RGS11: variants seen among roughly 807,000 people sequenced by gnomAD.
The protein encoded by RGS11 is regulator of G-protein signaling 11.
RGS11 carries 86 observed loss-of-function variants against 71.1 expected under a neutral mutation model. That is an observed-to-expected ratio of 1.21 (90% CI 1.02 to 1.45). The LOEUF (loss-of-function observed/expected upper bound fraction) is 1.45, where lower values mean the gene tolerates loss of function less well. Among genes scored for constraint, RGS11 ranks in the 40% most tolerant of loss-of-function variants. RGS11 has a pLI of 0.00. For missense variants in RGS11, 734 were observed against 635.1 expected (o/e 1.16, Z -1.67); for synonymous variants, 298 against 254.2 (o/e 1.17, Z -1.64).
chr16:274,763 G>A, intron 4 of RGS11: 2 of 731,248 alleles, frequency 2.7e-6, no homozygotes, highest in Admixed American at 4.0e-5. Flanking sequence ...GAAAACTGAG[G>A]CTCCATCCCT....
intron 8 of RGS11, among the ~76,000 whole-genome samples, chr16:273,159 C>T (rs1044158511): frequency 7.9e-5 from 12 of 152,152 alleles, no homozygotes; most frequent in African/African-American, 2.4e-4. Flanking sequence ...ACTCGGTCCC[C>T]CCACTGCAGC....
rs779845934 is a variant in RGS11, at chr16:275,894, C to T, written c.18G>A (p.Ala6=). Residue 6 remains alanine, a synonymous_variant, in exon 1 of 17, where the codon GCG becomes GCA. Coordinates refer to ENST00000397770, the MANE Select transcript of RGS11 (RefSeq NM_183337.3). Reference sequence around the variant, plus strand: ...GCGCCCGGGGGCGGCCGGGGGGCGGCGCGGGGCCGGCGGCCATGGCTGCGG... The same window carrying T: ...GCGCCCGGGGGCGGCCGGGGGGCGGTGCGGGGCCGGCGGCCATGGCTGCGG... MAAGP[A]PPPGRPRAQM... 2.0e-4 allele frequency: 185 copies of T among 906,572 alleles called. 1 individual carries two copies. In the South Asian group the frequency reaches 6.7e-3, roughly 33 times the overall value. The allele number at this position is 906,572 out of a possible 1,614,324, so 56.2% of individuals were successfully genotyped here. A position where few individuals can be genotyped will look rare whatever the true frequency, so the allele number is the denominator to read the frequency against.
chr16:270,937 C>T, intron 13 of RGS11, 47 bp downstream of exon 13: 1 of 1,565,154 alleles, frequency 6.4e-7, no homozygotes, highest in Non-Finnish European at 8.8e-7. Context: ...GGGTCCCAGG[C>T]AGCAGCCTCC....
Position 273,450 on chromosome 16 carries a change from C to T in RGS11, c.588+25G>A, listed in dbSNP as rs548838157. On this transcript the variant is annotated intron_variant, in intron 8 of 16. Coordinates refer to ENST00000397770, the MANE Select transcript of RGS11 (RefSeq NM_183337.3). ...TGACCCCTGCGCTGGCCAGCGACCC[C>T]CACCCTCACCGCAGGTGGGCTCACC... 8.5e-6 allele frequency: 13 copies of T among 1,535,372 alleles called. No homozygotes were observed. The African/African-American group carries it at 1.6e-4, about 19-fold the overall frequency.
At chr16:275,749 G>T (rs1380665107) in intron 1 of RGS11, 100 bp downstream of exon 1, 2 of 298,576 alleles carry the variant, frequency 6.7e-6, no homozygotes, top group Admixed American at 8.2e-5. Flanking sequence ...CCCCAGGCCC[G>T]CCCCGCCCCG....
Position 275,052 on chromosome 16 carries a change from T to C in RGS11, c.242A>G (p.Gln81Arg), listed in dbSNP as rs2141428037. The change falls in exon 4 of 17, where the codon CAG (glutamine) becomes CGG (arginine). Residue 81 changes from glutamine to arginine, a missense_variant. Gln to Arg is a conservative substitution (Grantham distance 43). Coordinates refer to ENST00000397770, the MANE Select transcript of RGS11 (RefSeq NM_183337.3). Reference sequence around the variant, plus strand: ...GCGCAGCGGGTAGATGTAGCCATGCTGCACCAGGACGGCGCCCAGGTGCAG... The same window carrying C: ...GCGCAGCGGGTAGATGTAGCCATGCCGCACCAGGACGGCGCCCAGGTGCAG... ...EALHLGAVLV[Q>R]HGYIYPLRDP... 6.7e-7 allele frequency: 1 copy of C among 1,490,160 alleles called. No homozygotes were observed. Among genetic ancestry groups the C allele is most frequent in the Non-Finnish European group, 8.9e-7 (1 of 1,117,544 alleles). The allele number at this position is 1,490,160 out of a possible 1,614,324, so 92.3% of individuals were successfully genotyped here.
intron 7 of RGS11, 26 bp downstream of exon 7, chr16:273,734 C>T (rs371146219): frequency 4.5e-5 from 71 of 1,590,130 alleles, no homozygotes; most frequent in Admixed American, 2.0e-4. Flanking sequence ...CGCCTGCAGG[C>T]GGGGCGGGGC....
In RGS11 at chr16:269,536, G is replaced by T; in HGVS notation, c.1256C>A (p.Ala419Glu). ...LKSDMYKALLAEAGIPLEMKR... is the reference protein window; with the variant it reads ...LKSDMYKALLEEAGIPLEMKR... The stretch of plus-strand genomic sequence containing the variant: ...CATCTCCAGCGGGATCCCAGCCTCT[G>T]CCAGGAGGGCCTTGTACATGTCAGA... Residue 419 changes from alanine (A) to glutamate (E), a missense_variant, in exon 16 of 17, where the codon GCA becomes GAA. Physicochemically the swap from Ala to Glu is moderately radical, Grantham distance 107. Coordinates refer to ENST00000397770, the MANE Select transcript of RGS11 (RefSeq NM_183337.3). The T allele has an allele frequency of 6.2e-7, 1 of 1,613,404 alleles. No homozygotes were observed. Among genetic ancestry groups the T allele is most frequent in the South Asian group, 1.1e-5 (1 of 91,090 alleles).
chr16:274,262 G>A lies in RGS11; in HGVS notation c.322C>T (p.Pro108Ser). The A allele has an allele frequency of 6.2e-7, 1 of 1,610,320 alleles. No individual in the cohort carries two copies. ...CTCAGGGTACTTGTCCAGAAGTACGGGGTCTGGCGTGGTGCAGGGAGAAGG... is the reference window on the plus strand; with the variant it reads ...CTCAGGGTACTTGTCCAGAAGTACGAGGTCTGGCGTGGTGCAGGGAGAAGG... ...PDETPYRFQT[P>S]YFWTSTLRPA... Residue 108 changes from proline to serine, a missense_variant, in exon 5 of 17, where the codon CCG becomes TCG. Transcript: ENST00000397770.
chr16:270,412 G>C (rs2051875174), intron 15 of RGS11, 111 bp downstream of exon 15: 38 of 1,320,868 alleles, frequency 2.9e-5, no homozygotes, highest in Non-Finnish European at 3.8e-5. Flanking sequence ...TGCTCCCCAG[G>C]GGCAGAGTCA....
chr16:272,812 G>A, intron 9 of RGS11, 51 bp downstream of exon 9: 1 of 1,537,304 alleles, frequency 6.5e-7, no homozygotes, highest in Non-Finnish European at 8.7e-7. Flanking sequence ...CCAGCAGGGT[G>A]CAGCCGGTGT....
Position 269,363 on chromosome 16 carries a change from C to T in RGS11, c.1310G>A (p.Arg437Lys), listed in dbSNP as rs1199774323. The change falls in exon 17 of 17, where the codon AGG (arginine) becomes AAG (lysine). Residue 437 changes from arginine to lysine, a missense_variant. Physicochemically the swap from Arg to Lys is conservative, Grantham distance 26. Transcript: ENST00000397770. Reference protein sequence around the residue: ...MKRRVFPFTWRPRHSSPSPAL... With the variant: ...MKRRVFPFTWKPRHSSPSPAL... ...AGGGCTGGGGCTCGAGTGCCGTGGCCTCCACGTAAACGGGAACACGCTGTG... is the reference window on the plus strand; with the variant it reads ...AGGGCTGGGGCTCGAGTGCCGTGGCTTCCACGTAAACGGGAACACGCTGTG... 6.2e-7 allele frequency: 1 copy of T among 1,603,586 alleles called. No homozygotes were observed. The highest frequency in any genetic ancestry group is 1.7e-5 in the Admixed American group (1 of 58,336).
At chr16:274,001 C>T in intron 6 of RGS11, 42 bp downstream of exon 6, 1 of 1,536,570 alleles carries the variant, frequency 6.5e-7, no homozygotes, top group Non-Finnish European at 8.8e-7. Flanking sequence ...TTGGGTTCCT[C>T]CAGCTGTACC....
At position 272,855 on chromosome 16, in the gene RGS11, G is replaced by T; in HGVS notation, c.657+8C>A. The T allele has an allele frequency of 6.5e-7, 1 of 1,542,512 alleles. No individual in the cohort carries two copies. On this transcript the variant is annotated splice_region_variant and intron_variant, in intron 9 of 16. Transcript: ENST00000397770. ...GAGAGGGCGGCCAGCACGCACGCAG[G>T]GGCTCACCATGAGCACACGGCTGGC...
Position 273,473 on chromosome 16 carries a change from A to G in RGS11, c.588+2T>C. The G allele has an allele frequency of 1.9e-6, 3 of 1,548,514 alleles. No individual in the cohort carries two copies. The highest frequency in any genetic ancestry group is 2.4e-5 in the South Asian group (2 of 84,016). On this transcript the variant is annotated splice_donor_variant, in intron 8 of 16. Coordinates refer to ENST00000397770, the MANE Select transcript of RGS11 (RefSeq NM_183337.3). LOFTEE classifies it high-confidence loss of function. ...CCCCACCCTCACCGCAGGTGGGCTC[A>G]CCGGGGGCCTGTTCACCAGCCAGTA... is the stretch of plus-strand genomic sequence containing the variant.
Position 272,855 on chromosome 16 carries a change from G to A in RGS11, c.657+8C>T. On this transcript the variant is annotated splice_region_variant and intron_variant, in intron 9 of 16. Coordinates refer to ENST00000397770, the MANE Select transcript of RGS11 (RefSeq NM_183337.3). ...GAGAGGGCGGCCAGCACGCACGCAG[G>A]GGCTCACCATGAGCACACGGCTGGC... is the stretch of plus-strand genomic sequence containing the variant. 1.3e-6 allele frequency: 2 copies of A among 1,542,512 alleles called. No homozygotes were observed. The highest frequency in any genetic ancestry group is 2.7e-5 in the African/African-American group (2 of 73,078).
At position 269,401 on chromosome 16, in the gene RGS11, G is replaced by T. The variant is rs1214581084; in HGVS notation, c.1290-18C>A. On this transcript the variant is annotated intron_variant, in intron 16 of 16. Coordinates refer to ENST00000397770, the MANE Select transcript of RGS11 (RefSeq NM_183337.3). ...GGAACACGCTGTGGGCGAGAAGGCG[G>T]CTGAGAACAGGCTGGCCAGCTGGTG... is the stretch of plus-strand genomic sequence containing the variant. The T allele has an allele frequency of 6.3e-7, 1 of 1,593,760 alleles. No homozygotes were observed. Among genetic ancestry groups the T allele is most frequent in the Admixed American group, 1.7e-5 (1 of 57,558 alleles).
chr16:275,535 C>T, intron 1 of RGS11, 37 bp from the exon 2 acceptor site: 1 of 1,478,280 alleles, frequency 6.8e-7, no homozygotes, highest in Non-Finnish European at 9.1e-7. Flanking sequence ...GTCTGGCCGC[C>T]CCGCAACCCT....
chr16:271,105 G>A lies in RGS11; in HGVS notation c.864-6C>T, dbSNP rs1268747140. Reference sequence around the variant, plus strand: ...GCTTCGTGGGGGCAGCCACCCTGGGGAGAGGGCAGGGCTGTTGGGGAGGGT... The same window carrying A: ...GCTTCGTGGGGGCAGCCACCCTGGGAAGAGGGCAGGGCTGTTGGGGAGGGT... On this transcript the variant is annotated splice_region_variant and splice_polypyrimidine_tract_variant and intron_variant, in intron 12 of 16. Coordinates refer to ENST00000397770, the MANE Select transcript of RGS11 (RefSeq NM_183337.3). 2.5e-6 allele frequency: 4 copies of A among 1,609,950 alleles called. No homozygotes were observed. Among genetic ancestry groups the A allele is most frequent in the Non-Finnish European group, 3.4e-6 (4 of 1,178,182 alleles).
Sources: gnomAD v4.1 joint callset for allele counts (sites outside exome capture counted in the v4.1 genomes callset) on GRCh38, gnomAD v4.1.1 for gene constraint, MANE v1.5 for transcripts, NCBI Gene and HGNC (gene_info 2026-07-23, HGNC 2026-07-21) for gene names.